LYPLAL1: variants seen among roughly 807,000 people sequenced by gnomAD.
LYPLAL1 encodes lysophospholipase-like protein 1.
LYPLAL1 carries 23 observed loss-of-function variants against 19.7 expected under a neutral mutation model. That is an observed-to-expected ratio of 1.17 (90% CI 0.84 to 1.65). The LOEUF is 1.65. Ranked by LOEUF, LYPLAL1 falls within the 40% of genes most tolerant of loss-of-function variation. The pLI is 0.00. For missense variants in LYPLAL1, 355 were observed against 279.4 expected, an observed-to-expected ratio of 1.27 and a Z score of -1.93; for synonymous variants, 119 against 96.3, an observed-to-expected ratio of 1.24 and a Z score of -1.38.
chr1:219,419,197 T>C, the LYPLAL1 span, among the ~76,000 whole-genome samples: 4 of 152,212 alleles, frequency 2.6e-5, no homozygotes, highest in Admixed American at 2.0e-4. Flanking sequence ...TGCTGGCTCA[T>C]GTGCTAAGAG....
At chr1:219,355,072 T>C in the LYPLAL1 span, among the ~76,000 whole-genome samples, 1 of 152,206 alleles carries the variant, frequency 6.6e-6, no homozygotes, top group Non-Finnish European at 1.5e-5. Context: ...TAAAGATGCA[T>C]ACTGTGAGCC....
chr1:219,419,944 C>T, the LYPLAL1 span, among the ~76,000 whole-genome samples: 3 of 152,210 alleles, frequency 2.0e-5, no homozygotes, highest in African/African-American at 7.2e-5. Flanking sequence ...ATGAGCACTA[C>T]CTGGTAGGCC....
At chr1:219,184,041 G>A (rs188701970) in intron 2 of LYPLAL1, among the ~76,000 whole-genome samples, 1 of 151,894 alleles carries the variant, frequency 6.6e-6, no homozygotes, top group Non-Finnish European at 1.5e-5. Flanking sequence ...CTCATTCTAT[G>A]TTACTTGCAT....
chr1:219,184,873 A>G (rs1356244021), intron 2 of LYPLAL1, among the ~76,000 whole-genome samples: 1 of 151,862 alleles, frequency 6.6e-6, no homozygotes, highest in Admixed American at 6.6e-5. Flanking sequence ...TTCATGAGGA[A>G]TATTGTTCTG....
At chr1:219,385,718 G>C in the LYPLAL1 span, among the ~76,000 whole-genome samples, 1 of 152,104 alleles carries the variant, frequency 6.6e-6, no homozygotes, top group Non-Finnish European at 1.5e-5. Context: ...GAAGGAACAA[G>C]AGGGTAAAGA....
chr1:219,233,939 G>A, the LYPLAL1 span, among the ~76,000 whole-genome samples: 2 of 152,280 alleles, frequency 1.3e-5, no homozygotes, highest in East Asian at 3.9e-4. Context: ...AGCTGTGATA[G>A]GGATTCTGAA....
the LYPLAL1 span, chr1:219,442,690 C>T: frequency 2.6e-5 from 4 of 152,122 alleles, no homozygotes; most frequent in African/African-American, 7.2e-5. Context: ...TATTTCTTTT[C>T]TTCCTTCCTG....
the LYPLAL1 span, among the ~76,000 whole-genome samples, chr1:219,282,389 A>T: frequency 9.2e-5 from 14 of 152,038 alleles, no homozygotes; most frequent in African/African-American, 3.4e-4. Context: ...GAGTTCCAGA[A>T]AGAAAAGAGA....
intron 3 of LYPLAL1, chr1:219,198,658 T>TA (rs1657812755): frequency 6.6e-6 from 1 of 152,160 alleles, no homozygotes; most frequent in Non-Finnish European, 1.5e-5. Context: ...TCCATGTTTA[T>TA]AAAATCTAAG....
At chr1:219,209,918 AT>A (rs1019611386) in intron 3 of LYPLAL1, among the ~76,000 whole-genome samples, 7 of 151,658 alleles carry the variant, frequency 4.6e-5, no homozygotes, top group South Asian at 2.1e-4. Flanking sequence ...AGTTTGACTA[AT>A]TTTTTTTTCA....
the LYPLAL1 span, among the ~76,000 whole-genome samples, chr1:219,260,217 T>C: frequency 6.6e-6 from 1 of 151,888 alleles, no homozygotes; most frequent in African/African-American, 2.4e-5. Context: ...ATATTCCCAT[T>C]AAAATCAGAG....
chr1:219,362,962 AT>A, the LYPLAL1 span, among the ~76,000 whole-genome samples: 2 of 152,044 alleles, frequency 1.3e-5, no homozygotes, highest in African/African-American at 4.8e-5. Context: ...AAAAAAAAAA[AT>A]AACAAAGAAA....
At chr1:219,363,351 C>T in the LYPLAL1 span, among the ~76,000 whole-genome samples, 1 of 152,066 alleles carries the variant, frequency 6.6e-6, no homozygotes, top group African/African-American at 2.4e-5. Context: ...TAATACCAAA[C>T]ACAGTACGTA....
chr1:219,265,562 A>G, the LYPLAL1 span, among the ~76,000 whole-genome samples: 8 of 152,180 alleles, frequency 5.3e-5, no homozygotes, highest in Non-Finnish European at 1.2e-4. Context: ...ATAGAATTAT[A>G]TTTTAATAAC....
the LYPLAL1 span, among the ~76,000 whole-genome samples, chr1:219,245,859 T>C: frequency 6.6e-6 from 1 of 152,124 alleles, no homozygotes; most frequent in Non-Finnish European, 1.5e-5. Context: ...CCCATTTCAG[T>C]GGCTTCTGAC....
chr1:219,307,038 AT>A, the LYPLAL1 span, among the ~76,000 whole-genome samples: 1 of 36,646 alleles, frequency 2.7e-5, no homozygotes, highest in South Asian at 1.3e-3. Context: ...ATATATATAT[AT>A]ATGTATATAT....
the LYPLAL1 span, among the ~76,000 whole-genome samples, chr1:219,312,822 T>A: frequency 2.0e-5 from 3 of 152,118 alleles, no homozygotes; most frequent in Admixed American, 2.0e-4. Context: ...CTTCTCCTGG[T>A]CTATTGGTGG....
At chr1:219,441,322 C>T in the LYPLAL1 span, among the ~76,000 whole-genome samples, 2 of 151,960 alleles carry the variant, frequency 1.3e-5, no homozygotes, top group Non-Finnish European at 2.9e-5. Context: ...TGTGCTCATT[C>T]GTAAAACAAT....
At chr1:219,285,071 G>A in the LYPLAL1 span, among the ~76,000 whole-genome samples, 3 of 152,282 alleles carry the variant, frequency 2.0e-5, no homozygotes, top group East Asian at 5.8e-4. Flanking sequence ...AAATTATTAT[G>A]TGGAAAATTC....
Sources: gnomAD v4.1 joint callset for allele counts (sites outside exome capture counted in the v4.1 genomes callset) on GRCh38, gnomAD v4.1.1 for gene constraint, MANE v1.5 for transcripts, NCBI Gene and HGNC (gene_info 2026-07-23, HGNC 2026-07-21) for gene names.